Variants in GALNT18 observed in about 807,000 individuals in gnomAD.
GALNT18 encodes the protein polypeptide N-acetylgalactosaminyltransferase 18, also known as GalNAc-transferase 18.
In GALNT18, 44 loss-of-function variants were observed where a neutral mutation model predicts 69.5. The observed-to-expected ratio is 0.63, with a 90% CI of 0.50 to 0.81. The LOEUF (loss-of-function observed/expected upper bound fraction) is 0.81, where lower values mean the gene tolerates loss of function less well. GALNT18 is among the 40% of genes least tolerant of loss of function. GALNT18 has a pLI of 0.00. For synonymous variants in GALNT18, 364 were observed against 318.2 expected, an observed-to-expected ratio of 1.14 and a Z score of -1.53; for missense variants, 715 against 810.0, an observed-to-expected ratio of 0.88 and a Z score of 1.42.
chr11:11,529,382 G>T (rs992598463), intron 1 of GALNT18, among the ~76,000 whole-genome samples: 1 of 152,130 alleles, frequency 6.6e-6, no homozygotes, highest in Non-Finnish European at 1.5e-5. Context: ...CCTCCTACCT[G>T]ACTGTTTGGG....
chr11:11,520,853 C>T (rs539625982), intron 1 of GALNT18, among the ~76,000 whole-genome samples: 3 of 152,278 alleles, frequency 2.0e-5, no homozygotes, highest in East Asian at 3.9e-4. Flanking sequence ...GCAGGAGCAC[C>T]CCATAGGCAG....
At chr11:11,548,927 T>C (rs1359812077) in intron 1 of GALNT18, among the ~76,000 whole-genome samples, 1 of 152,248 alleles carries the variant, frequency 6.6e-6, no homozygotes, top group Non-Finnish European at 1.5e-5. Context: ...ATATTAGCTG[T>C]TGTGGCAGAG....
At chr11:11,367,943 T>G (rs910543935) in intron 6 of GALNT18, among the ~76,000 whole-genome samples, 1 of 152,200 alleles carries the variant, frequency 6.6e-6, no homozygotes, top group Non-Finnish European at 1.5e-5. Context: ...TGCCATACTG[T>G]GTTGTGCTAT....
At chr11:11,482,902 CATCGCTGA>C (rs1856564575) in intron 1 of GALNT18, among the ~76,000 whole-genome samples, 1 of 152,228 alleles carries the variant, frequency 6.6e-6, no homozygotes, top group African/African-American at 2.4e-5. Context: ...GCAGCATGGG[CATCGCTGA>C]GGAGCATGTC....
At chr11:11,437,762 G>A (rs868259485) in intron 2 of GALNT18, among the ~76,000 whole-genome samples, 1 of 110,892 alleles carries the variant, frequency 9.0e-6, no homozygotes, top group African/African-American at 3.5e-5. Context: ...ACCTGGGGGT[G>A]GGGGGTGGGA....
chr11:11,550,546 C>T (rs896722310), intron 1 of GALNT18, among the ~76,000 whole-genome samples: 15 of 152,108 alleles, frequency 9.9e-5, no homozygotes, highest in African/African-American at 3.4e-4. Context: ...TCTAACTGGC[C>T]GTAATTTATA....
At chr11:11,281,645 C>T (rs917638942) in intron 10 of GALNT18, among the ~76,000 whole-genome samples, 6 of 152,132 alleles carry the variant, frequency 3.9e-5, no homozygotes, top group African/African-American at 9.7e-5. Flanking sequence ...GAGAGGAAGG[C>T]AGGAGCAGAG....
rs1850138905 is a variant in GALNT18 at position 11,337,822 on chromosome 11, A to G, written c.1278+2997T>C. 6.6e-6 allele frequency among the ~76,000 whole-genome samples: 1 copy of G among 152,164 alleles called. No homozygotes were observed. The highest frequency in any genetic ancestry group is 1.5e-5 in the Non-Finnish European group (1 of 68,018). ...ACGCAACGTATGCAGACTTCAAAACAGGGAGTGGTAGGCAGTGGGATTAAA... is the reference window on the plus strand; with the variant it reads ...ACGCAACGTATGCAGACTTCAAAACGGGGAGTGGTAGGCAGTGGGATTAAA... On this transcript the variant is annotated intron_variant, in intron 7 of 10. Coordinates refer to ENST00000227756, the MANE Select transcript of GALNT18 (RefSeq NM_198516.3). This position sits in a 1 kb window ranked among gnomAD's most constrained non-coding sequence, Gnocchi z 4.9.
At chr11:11,428,137 T>C (rs999681195) in intron 3 of GALNT18, among the ~76,000 whole-genome samples, 1 of 152,208 alleles carries the variant, frequency 6.6e-6, no homozygotes, top group African/African-American at 2.4e-5. Context: ...TTGAAAAACA[T>C]GAAAGTCTTG....
At chr11:11,545,511 G>T (rs549910387) in intron 1 of GALNT18, among the ~76,000 whole-genome samples, 130 of 152,326 alleles carry the variant, frequency 8.5e-4, no homozygotes, top group African/African-American at 3.0e-3. Context: ...CAGGTATGCA[G>T]GCCACATTCA....
chr11:11,424,878 A>C (rs1256229517), intron 3 of GALNT18, among the ~76,000 whole-genome samples: 2 of 152,142 alleles, frequency 1.3e-5, no homozygotes, highest in African/African-American at 4.8e-5. Context: ...AAAGGAACAA[A>C]CCAGGATGGT....
chr11:11,309,701 A>T lies in GALNT18; in HGVS notation c.1513-16508T>A, dbSNP rs1849638136. ...AGGTACTTCAACACAACCTAGTATT[A>T]CTTCTTTGGGTACCTGCTCAGCAGC... On this transcript the variant is annotated intron_variant, in intron 9 of 10. Transcript: ENST00000227756. The surrounding 1 kb of genome is among the most constrained non-coding windows in gnomAD (Gnocchi z 4.6). Among the ~76,000 whole-genome samples the T allele has an allele frequency of 6.6e-6, 1 of 152,038 alleles. No homozygotes were observed. The highest frequency in any genetic ancestry group is 6.5e-5 in the Admixed American group (1 of 15,268).
In GALNT18 at chr11:11,372,137, T is replaced by A. The variant is rs150098773; in HGVS notation, c.1092+378A>T. On this transcript the variant is annotated intron_variant, in intron 6 of 10. Transcript: ENST00000227756. This position sits in a 1 kb window ranked among gnomAD's most constrained non-coding sequence, Gnocchi z 4.9. ...GTGGAGAAGACAGAGACTGTCAAAGTGAGAAATCCCAAGGGGAGCTGACTC... is the reference window on the plus strand; with the variant it reads ...GTGGAGAAGACAGAGACTGTCAAAGAGAGAAATCCCAAGGGGAGCTGACTC... Among the ~76,000 whole-genome samples, 39 of 152,300 alleles carry A rather than the reference T, an allele frequency of 2.6e-4. No individual in the cohort carries two copies. Among genetic ancestry groups the A allele is most frequent in the African/African-American group, 8.7e-4 (36 of 41,560 alleles).
rs926987161 is a variant in GALNT18 at position 11,377,078 on chromosome 11, A to T, written c.977+104T>A. ...CCTTTCGACCCTGCCCACCCCTGTC[A>T]TCCCCACGATGGGGCTCAAGTTGGA... On this transcript the variant is annotated intron_variant, in intron 5 of 10. Coordinates refer to ENST00000227756, the MANE Select transcript of GALNT18 (RefSeq NM_198516.3). The surrounding 1 kb of genome is among the most constrained non-coding windows in gnomAD (Gnocchi z 4.6). 7 of 1,092,620 alleles carry T rather than the reference A, an allele frequency of 6.4e-6. No homozygotes were observed. Among genetic ancestry groups the T allele is most frequent in the Non-Finnish European group, 9.5e-6 (7 of 736,288 alleles). 67.7% of individuals were successfully genotyped at this position (1,092,620 alleles called of 1,614,324 possible).
chr11:11,387,572 T>C lies in GALNT18; in HGVS notation c.596-8308A>G, dbSNP rs1474028357. Among the ~76,000 whole-genome samples the C allele has an allele frequency of 6.6e-6, 1 of 152,228 alleles. No homozygotes were observed. Among genetic ancestry groups the C allele is most frequent in the African/African-American group, 2.4e-5 (1 of 41,456 alleles). On this transcript the variant is annotated intron_variant, in intron 3 of 10. Transcript: ENST00000227756. The surrounding 1 kb of genome is among the most constrained non-coding windows in gnomAD (Gnocchi z 4.6). ...TGAAAAGTGGCTTGTCTTCTTCAGA[T>C]CAGAAGATTAACTGGCTTTTCTCTG...
In GALNT18 at chr11:11,341,140, G is replaced by A. The variant is rs1225369456; in HGVS notation, c.1093-136C>T. On this transcript the variant is annotated intron_variant, in intron 6 of 10. Coordinates refer to ENST00000227756, the MANE Select transcript of GALNT18 (RefSeq NM_198516.3). This position sits in a 1 kb window ranked among gnomAD's most constrained non-coding sequence, Gnocchi z 6.3. ...GACTCCCCAGATCACTCTCTGTGAA[G>A]GAGTAGGCCATACCTGATTTCTGCT... 8.3e-6 allele frequency: 6 copies of A among 724,400 alleles called. No homozygotes were observed. The East Asian group carries it at 1.6e-4, about 20-fold the overall frequency. The allele number at this position is 724,400 out of a possible 1,614,324, so 44.9% of individuals were successfully genotyped here.
At chr11:11,428,655 C>A (rs1855193144) in intron 3 of GALNT18, among the ~76,000 whole-genome samples, 1 of 152,232 alleles carries the variant, frequency 6.6e-6, no homozygotes, top group Non-Finnish European at 1.5e-5. Flanking sequence ...GCCCACCTCC[C>A]CAGACCCATT....
chr11:11,538,033 A>G lies in GALNT18; in HGVS notation c.235+83326T>C, dbSNP rs898873212. 6.6e-6 allele frequency among the ~76,000 whole-genome samples: 1 copy of G among 152,206 alleles called. No homozygotes were observed. The highest frequency in any genetic ancestry group is 1.5e-5 in the Non-Finnish European group (1 of 68,036). ...CTACCAATTACCGAGCACTTACTACATGCCAGACACTGCTGAGTGTTTTAC... is the reference window on the plus strand; with the variant it reads ...CTACCAATTACCGAGCACTTACTACGTGCCAGACACTGCTGAGTGTTTTAC... On this transcript the variant is annotated intron_variant, in intron 1 of 10. Coordinates refer to ENST00000227756, the MANE Select transcript of GALNT18 (RefSeq NM_198516.3). The surrounding 1 kb of genome is among the most constrained non-coding windows in gnomAD (Gnocchi z 5.2).
intron 6 of GALNT18, chr11:11,353,099 G>A: frequency 6.2e-7 from 1 of 1,614,136 alleles, no homozygotes; most frequent in Non-Finnish European, 8.5e-7. Flanking sequence ...CTCTGGCCCT[G>A]CTTGGCACGG....
Sources: allele counts gnomAD v4.1 joint callset (sites outside exome capture counted in the v4.1 genomes callset), GRCh38; gene constraint gnomAD v4.1.1; non-coding constraint Gnocchi (gnomAD v3.1); transcripts MANE v1.5; gene names NCBI Gene and HGNC (gene_info 2026-07-23, HGNC 2026-07-21).